CHST12: variants seen among roughly 807,000 people sequenced by gnomAD.
The protein encoded by CHST12 is carbohydrate (chondroitin 4) sulfotransferase 12.
CHST12 carries 23 observed loss-of-function variants against 27.9 expected under a neutral mutation model. That is an observed-to-expected ratio of 0.82 (90% confidence interval 0.59 to 1.17). The LOEUF (loss-of-function observed/expected upper bound fraction) is 1.17, where lower values mean the gene tolerates loss of function less well. CHST12 is among the 50% of genes most tolerant of loss of function. CHST12 has a pLI of 0.00. For missense variants in CHST12, 682 were observed against 603.0 expected, an observed-to-expected ratio of 1.13 and a Z score of -1.37; for synonymous variants, 322 against 273.0, an observed-to-expected ratio of 1.18 and a Z score of -1.77.
chr7:2,405,899 G>C (rs1372150215), intron 1 of CHST12, among the ~76,000 whole-genome samples: 3 of 152,136 alleles, frequency 2.0e-5, no homozygotes, highest in Non-Finnish European at 4.4e-5. Flanking sequence ...TACAAGGAGG[G>C]AATCCCCAGG....
At chr7:2,406,693 G>C (rs1318647211) in intron 1 of CHST12, among the ~76,000 whole-genome samples, 1 of 152,118 alleles carries the variant, frequency 6.6e-6, no homozygotes, top group Non-Finnish European at 1.5e-5. Flanking sequence ...AATGACATCA[G>C]GAGGTCCCCA....
chr7:2,426,676 AT>A (rs1210297064), intron 1 of CHST12, among the ~76,000 whole-genome samples: 3 of 152,010 alleles, frequency 2.0e-5, no homozygotes, highest in East Asian at 1.9e-4. Context: ...TATTAAAAAA[AT>A]ATAACATACA....
rs935766042 is a variant in CHST12 at position 2,434,139 on chromosome 7, C to G, written c.*255C>G. On this transcript the variant is annotated 3_prime_UTR_variant, in exon 2 of 2. Coordinates refer to ENST00000618655, the MANE Select transcript of CHST12 (RefSeq NM_018641.5). The stretch of plus-strand genomic sequence containing the variant: ...CCGCCCGCCCGCTCGCCCGCTCGCC[C>G]GCTCCTGTGGTTTTTCTGAGCGTGC... 2 of 335,872 alleles carry G rather than the reference C, an allele frequency of 6.0e-6. No individual in the cohort carries two copies. Among genetic ancestry groups the G allele is most frequent in the Non-Finnish European group, 1.1e-5 (2 of 174,942 alleles). 20.8% of individuals were successfully genotyped at this position (335,872 alleles called of 1,614,324 possible).
At chr7:2,430,030 G>A (rs1487938123) in intron 1 of CHST12, among the ~76,000 whole-genome samples, 6 of 152,002 alleles carry the variant, frequency 3.9e-5, no homozygotes, top group East Asian at 1.9e-4. Flanking sequence ...AGACCCTCTC[G>A]CCTCGGCTTC....
chr7:2,419,401 C>CAAAAAAA (rs35870806), intron 1 of CHST12, among the ~76,000 whole-genome samples: 1 of 113,090 alleles, frequency 8.8e-6, no homozygotes. Context: ...ACCCTGTCTC[C>CAAAAAAA]AAAAAAAAAA....
At chr7:2,425,452 A>G (rs2969073) in intron 1 of CHST12, among the ~76,000 whole-genome samples, 4 of 152,008 alleles carry the variant, frequency 2.6e-5, no homozygotes, top group African/African-American at 7.3e-5. Flanking sequence ...AAAAGGGCCT[A>G]TGAGATGGCC....
Position 2,412,061 on chromosome 7 carries a change from C to T in CHST12, c.-78+8388C>T, listed in dbSNP as rs558450133. ...TAGCCTCTGTGCTCTAGGACCGGCT[C>T]TGCAGGGAAGTTACTTTACTTCAAA... On this transcript the variant is annotated intron_variant, in intron 1 of 1. Transcript: ENST00000618655. Among the ~76,000 whole-genome samples, 14 of 152,322 alleles carry T rather than the reference C, an allele frequency of 9.2e-5. No individual in the cohort carries two copies. The East Asian group carries it at 2.7e-3, about 29-fold the overall frequency.
intron 1 of CHST12, among the ~76,000 whole-genome samples, chr7:2,421,320 A>T (rs542315403): frequency 1.4e-5 from 2 of 144,250 alleles, no homozygotes; most frequent in Non-Finnish European, 3.0e-5. Context: ...ATCATAGCTC[A>T]CTGCAGCCTC....
chr7:2,433,109 T>C lies in CHST12; in HGVS notation c.470T>C (p.Leu157Pro), dbSNP rs1329606427. 1 of 1,612,602 alleles carries C rather than the reference T, an allele frequency of 6.2e-7. No individual in the cohort carries two copies. The highest frequency in any genetic ancestry group is 1.1e-5 in the South Asian group (1 of 91,052). Residue 157 changes from leucine to proline, a missense_variant, in exon 2 of 2, where the codon CTG (leucine) becomes CCG (proline). Transcript: ENST00000618655. The surrounding 1 kb of genome is among the most constrained non-coding windows in gnomAD (Gnocchi z 6.1). The stretch of plus-strand genomic sequence containing the variant: ...ATCCCCAACTCGGAGCTGAGCCACC[T>C]GATCGTGGACGACCGGCACGGGGCC... ...DDIPNSELSH[L>P]IVDDRHGAIY...
At chr7:2,409,369 C>A (rs1331652834) in intron 1 of CHST12, among the ~76,000 whole-genome samples, 3 of 152,134 alleles carry the variant, frequency 2.0e-5, no homozygotes, top group Middle Eastern at 3.2e-3. Context: ...AATCCCAGCA[C>A]TTCAGGAGGC....
intron 1 of CHST12, among the ~76,000 whole-genome samples, chr7:2,420,002 C>G (rs1781924009): frequency 1.8e-5 from 2 of 108,578 alleles, no homozygotes; most frequent in Non-Finnish European, 3.4e-5. Flanking sequence ...GAGATGGAGT[C>G]TCGCTCTGTT....
At chr7:2,409,066 C>T (rs1375652094) in intron 1 of CHST12, among the ~76,000 whole-genome samples, 2 of 152,186 alleles carry the variant, frequency 1.3e-5, no homozygotes, top group Non-Finnish European at 2.9e-5. Flanking sequence ...GGAAAATAAA[C>T]CATCGTGCGG....
chr7:2,414,771 C>T (rs1011163182), intron 1 of CHST12, among the ~76,000 whole-genome samples: 1 of 152,106 alleles, frequency 6.6e-6, no homozygotes, highest in Non-Finnish European at 1.5e-5. Context: ...TGTGTAAGGC[C>T]ATGATCCATT....
intron 1 of CHST12, among the ~76,000 whole-genome samples, chr7:2,406,932 G>A (rs142626535): frequency 5.0e-4 from 76 of 152,098 alleles, no homozygotes; most frequent in African/African-American, 1.8e-3. Flanking sequence ...TAATGTCCAC[G>A]CGGAGGTGAG....
Position 2,433,735 on chromosome 7 carries a change from C to T in CHST12, c.1096C>T (p.Pro366Ser). Residue 366 changes from proline to serine, a missense_variant, in exon 2 of 2, where the codon CCG becomes TCG. Physicochemically the swap from Pro to Ser is moderately conservative, Grantham distance 74. Transcript: ENST00000618655. This position sits in a 1 kb window ranked among gnomAD's most constrained non-coding sequence, Gnocchi z 6.1. ...LQVDRQLRFP[P>S]SYRNRTASSW... ...GGTGGACCGGCAGCTCCGCTTCCCC[C>T]CGAGCTACCGGAACAGGACCGCCAG... 1 of 1,613,778 alleles carries T rather than the reference C, an allele frequency of 6.2e-7. No homozygotes were observed. The highest frequency in any genetic ancestry group is 1.3e-5 in the African/African-American group (1 of 75,048).
In CHST12 at chr7:2,437,427, T is replaced by G. The variant is rs146567990; in HGVS notation, c.*3543T>G. ...ACACAGGTGTGACTTGCAGGTTGTG[T>G]GGGTGATGCCTCCCTCCCTCTTTCC... On this transcript the variant is annotated 3_prime_UTR_variant, in exon 2 of 2. Transcript: ENST00000618655. 6.6e-6 allele frequency: 1 copy of G among 152,292 alleles called. No homozygotes were observed. The highest frequency in any genetic ancestry group is 1.5e-5 in the Non-Finnish European group (1 of 68,062). The allele number at this position is 152,292 out of a possible 1,614,324, so 9.4% of individuals were successfully genotyped here.
At chr7:2,428,684 A>G (rs1207665877) in intron 1 of CHST12, among the ~76,000 whole-genome samples, 2 of 152,232 alleles carry the variant, frequency 1.3e-5, no homozygotes, top group Non-Finnish European at 1.5e-5. Context: ...GCAGAAGTAC[A>G]GTATACAGAG....
intron 1 of CHST12, chr7:2,404,234 T>A (rs1936486705): frequency 6.6e-6 from 1 of 152,174 alleles, no homozygotes; most frequent in African/African-American, 2.4e-5. Flanking sequence ...TTAAATGACC[T>A]CTCACTCCAG....
rs199654852 is a variant in CHST12, at chr7:2,434,104, G to GCCCGCCCA, written c.*228_*235dup. 6 of 393,650 alleles carry GCCCGCCCA rather than the reference G, an allele frequency of 1.5e-5. No homozygotes were observed. The highest frequency in any genetic ancestry group is 1.2e-4 in the South Asian group (2 of 17,148). 24.4% of individuals were successfully genotyped at this position (393,650 alleles called of 1,614,324 possible). On this transcript the variant is annotated 3_prime_UTR_variant, in exon 2 of 2. Transcript: ENST00000618655. The stretch of plus-strand genomic sequence containing the variant: ...GAGTAAAATATCCCCTCTCCCCTCC[G>GCCCGCCCA]CCCGCCCACCCGCCCGCCCGCTCGC...
Sources: gnomAD v4.1 joint callset for allele counts (sites outside exome capture counted in the v4.1 genomes callset) on GRCh38, gnomAD v4.1.1 for gene constraint, Gnocchi (gnomAD v3.1) non-coding constraint, MANE v1.5 for transcripts, NCBI Gene and HGNC (gene_info 2026-07-23, HGNC 2026-07-21) for gene names.